TSPEAR: variants seen among roughly 807,000 people sequenced by gnomAD.
The protein encoded by TSPEAR is thrombospondin-type laminin G domain and EAR repeat-containing protein.
Under a neutral mutation model 71.6 loss-of-function variants are expected in TSPEAR, and 69 were observed. The observed-to-expected ratio is 0.96, with a 90% CI of 0.79 to 1.18. The LOEUF (loss-of-function observed/expected upper bound fraction) is 1.18, where lower values mean the gene tolerates loss of function less well. Among genes scored for constraint, TSPEAR ranks in the 50% most tolerant of loss-of-function variants. The probability of loss-of-function intolerance (pLI) is 0.00; values close to 1 mark genes in which losing one functional copy is unlikely to be tolerated. For missense variants in TSPEAR, 971 were observed against 894.9 expected (o/e 1.09, Z -1.09); for synonymous variants, 402 against 387.2 (o/e 1.04, Z -0.45).
intron 5 of TSPEAR, among the ~76,000 whole-genome samples, chr21:44,529,302 CAA>C (rs1423619408): frequency 6.6e-6 from 1 of 152,170 alleles, no homozygotes; most frequent in Non-Finnish European, 1.5e-5. Context: ...TAACTTCACA[CAA>C]GAGAAAATCA....
intron 1 of TSPEAR, among the ~76,000 whole-genome samples, chr21:44,592,773 C>T (rs901237392): frequency 3.9e-5 from 6 of 152,076 alleles, no homozygotes. Context: ...AGCCACAGGT[C>T]GCGGCATCGT....
chr21:44,666,357 A>C, intron 1 of TSPEAR: 2 of 1,351,376 alleles, frequency 1.5e-6, no homozygotes, highest in South Asian at 2.8e-5. Context: ...CACCTGCACC[A>C]TGTGCAGAAG....
At chr21:44,502,904 G>T (rs587750945) in intron 11 of TSPEAR, among the ~76,000 whole-genome samples, 2 of 130,100 alleles carry the variant, frequency 1.5e-5, no homozygotes, top group African/African-American at 5.7e-5. Context: ...CCTCGGGGAA[G>T]TAAGGCGCTG....
chr21:44,502,082 G>A (rs587627818), intron 11 of TSPEAR, among the ~76,000 whole-genome samples: 117 of 152,276 alleles, frequency 7.7e-4, no homozygotes, highest in Middle Eastern at 3.4e-3. Context: ...AAGTGGCATC[G>A]GGTCTAATAA....
In TSPEAR at chr21:44,588,627, A is replaced by G. The variant is rs1245507238; in HGVS notation, c.83-20622T>C. Among the ~76,000 whole-genome samples, 7 of 150,580 alleles carry G rather than the reference A, an allele frequency of 4.6e-5. No individual in the cohort carries two copies. The East Asian group carries it at 1.4e-3, about 29-fold the overall frequency. ...AATTGCAAAAATGTGGAACCAACCCAAATTCCCATCAATCAACGAGTGGAT... is the reference window on the plus strand; with the variant it reads ...AATTGCAAAAATGTGGAACCAACCCGAATTCCCATCAATCAACGAGTGGAT... On this transcript the variant is annotated intron_variant, in intron 1 of 11. Coordinates refer to ENST00000323084, the MANE Select transcript of TSPEAR (RefSeq NM_144991.3).
At chr21:44,515,604 G>C (rs925171549) in intron 9 of TSPEAR, 2 of 152,314 alleles carry the variant, frequency 1.3e-5, no homozygotes, top group Non-Finnish European at 2.9e-5. Flanking sequence ...CCCCTTCTGA[G>C]GATGCCCGTG....
chr21:44,538,463 G>T (rs1244075193), intron 2 of TSPEAR, among the ~76,000 whole-genome samples: 1 of 150,960 alleles, frequency 6.6e-6, no homozygotes, highest in African/African-American at 2.4e-5. Flanking sequence ...CAGCGCCAGG[G>T]TTTTGGGGAA....
rs1555914313 is a variant in TSPEAR, at chr21:44,521,915, G to A, written c.1534C>T (p.Leu512=). ...KVHSHLYIRL[L]GSFQLFQSFP... ...GACTGGAAGAGCTGGAAGGAGCCCA[G>A]GAGTCGGATGTAGAGGTGCGAGTGC... The change falls in exon 9 of 12, where the codon CTG becomes TTG. Residue 512 remains leucine (L), a synonymous_variant. Transcript: ENST00000323084. The A allele has an allele frequency of 1.2e-6, 2 of 1,614,040 alleles. No homozygotes were observed. The highest frequency in any genetic ancestry group is 2.2e-5 in the South Asian group (2 of 91,088).
intron 1 of TSPEAR, among the ~76,000 whole-genome samples, chr21:44,577,328 C>T (rs1189230783): frequency 6.6e-6 from 1 of 152,200 alleles, no homozygotes; most frequent in Non-Finnish European, 1.5e-5. Flanking sequence ...TAAAGGAATA[C>T]CCGAGACTGG....
intron 1 of TSPEAR, chr21:44,601,840 G>A (rs1980952564): frequency 6.9e-7 from 1 of 1,439,266 alleles, no homozygotes. Flanking sequence ...GCCCTGCAGT[G>A]GACGTCAGTG....
chr21:44,666,315 A>C, intron 1 of TSPEAR: 1 of 1,115,064 alleles, frequency 9.0e-7, no homozygotes, highest in Non-Finnish European at 1.3e-6. Flanking sequence ...TTCTCAATCC[A>C]GAATTCAGAG....
rs924691383 is a variant in TSPEAR at position 44,601,843 on chromosome 21, C to A, written c.83-33838G>T. On this transcript the variant is annotated intron_variant, in intron 1 of 11. Transcript: ENST00000323084. ...TCCCGCTCCTAAGCCCTGCAGTGGA[C>A]GTCAGTGGTCAGCTGGCCATCCAGT... is the stretch of plus-strand genomic sequence containing the variant. 4.9e-6 allele frequency: 7 copies of A among 1,431,596 alleles called. No homozygotes were observed. In the Admixed American group the frequency reaches 1.8e-4, roughly 37 times the overall value. The allele number at this position is 1,431,596 out of a possible 1,614,324, so 88.7% of individuals were successfully genotyped here. A position where few individuals can be genotyped will look rare whatever the true frequency, so the allele number is the denominator to read the frequency against.
At position 44,704,671 on chromosome 21, in the gene TSPEAR, A is replaced by G. The variant is rs1987825481; in HGVS notation, c.82+6762T>C. ...AGAGGTCTCTCCAGGATGGGCCCAC[A>G]GGAAATTTCCAGAAGTCTACCACGG... On this transcript the variant is annotated intron_variant, in intron 1 of 11. Transcript: ENST00000323084. Among the ~76,000 whole-genome samples, 3 of 152,180 alleles carry G rather than the reference A, an allele frequency of 2.0e-5. No individual in the cohort carries two copies. The South Asian group carries it at 6.2e-4, about 32-fold the overall frequency.
intron 1 of TSPEAR, among the ~76,000 whole-genome samples, chr21:44,667,464 G>T (rs1009193969): frequency 1.3e-5 from 2 of 152,222 alleles, no homozygotes; most frequent in Non-Finnish European, 2.9e-5. Flanking sequence ...AGAACTTCTT[G>T]TGAGTGGTGA....
intron 1 of TSPEAR, among the ~76,000 whole-genome samples, chr21:44,619,768 GA>G (rs1163856530): frequency 6.6e-6 from 1 of 152,210 alleles, no homozygotes; most frequent in African/African-American, 2.4e-5. Flanking sequence ...GCAGCTATAA[GA>G]ATTAGTGAAC....
At position 44,499,887 on chromosome 21, in the gene TSPEAR, C is replaced by T. The variant is rs782367814; in HGVS notation, c.1906G>A (p.Gly636Ser). ...CTGAAGGCCTCCCAGTCCCTGCAGC[C>T]GACGGTGGGGAGGCTGTGCACCGCC... is the stretch of plus-strand genomic sequence containing the variant. ...FVAVHSLPTV[G>S]CRDWEAFSTT... Residue 636 changes from glycine (G) to serine (S), a missense_variant, in exon 12 of 12, where the codon GGC becomes AGC. Coordinates refer to ENST00000323084, the MANE Select transcript of TSPEAR (RefSeq NM_144991.3). 199 of 1,607,132 alleles carry T rather than the reference C, an allele frequency of 1.2e-4. 1 individual carries two copies. Among genetic ancestry groups the T allele is most frequent in the Non-Finnish European group, 1.5e-4 (174 of 1,177,860 alleles).
intron 1 of TSPEAR, among the ~76,000 whole-genome samples, chr21:44,606,163 C>CAAA (rs61407657): frequency 0.044 from 3,090 of 70,852 alleles, 61 homozygotes; most frequent in African/African-American, 0.061. Context: ...GACCCTGGCT[C>CAAA]AAAAAAAAAA....
chr21:44,660,832 T>C (rs1323516670), intron 1 of TSPEAR, among the ~76,000 whole-genome samples: 2 of 151,918 alleles, frequency 1.3e-5, no homozygotes, highest in Non-Finnish European at 2.9e-5. Context: ...CCAGGCATGG[T>C]GGTGGGCCCC....
Position 44,641,376 on chromosome 21 carries a change from A to G in TSPEAR, c.82+70057T>C, listed in dbSNP as rs76009116. Among the ~76,000 whole-genome samples, 1,386 of 152,306 alleles carry G rather than the reference A, an allele frequency of 9.1e-3. 18 individuals carry two copies. The highest frequency in any genetic ancestry group is 0.044 in the Middle Eastern group (13 of 294). The stretch of plus-strand genomic sequence containing the variant: ...ACACTCTCAACACAGATGAAACTCA[A>G]TGATGGTCTGCATAATAGACCCTGA... On this transcript the variant is annotated intron_variant, in intron 1 of 11. Coordinates refer to ENST00000323084, the MANE Select transcript of TSPEAR (RefSeq NM_144991.3).
Sources: allele counts gnomAD v4.1 joint callset (sites outside exome capture counted in the v4.1 genomes callset), GRCh38; gene constraint gnomAD v4.1.1; transcripts MANE v1.5; gene names NCBI Gene and HGNC (gene_info 2026-07-23, HGNC 2026-07-21).